The following ASIC2 variants were observed in gnomAD, a reference collection of about 807,000 sequenced individuals.
The protein encoded by ASIC2 is acid sensing ion channel subunit 2, also known as acid-sensing ion channel 2.
In ASIC2, 25 loss-of-function variants were observed where a neutral mutation model predicts 57.3. The observed-to-expected ratio is 0.44, with a 90% confidence interval of 0.32 to 0.61. The LOEUF is 0.61. Among genes scored for constraint, ASIC2 ranks in the 20% least tolerant of loss-of-function variants. The pLI is 0.06. For missense variants in ASIC2, 641 were observed against 738.1 expected (o/e 0.87, Z 1.52); for synonymous variants, 319 against 307.5 (o/e 1.04, Z -0.39).
At chr17:33,545,503 C>G (rs1915550014) in intron 1 of ASIC2, among the ~76,000 whole-genome samples, 1 of 152,076 alleles carries the variant, frequency 6.6e-6, no homozygotes, top group Non-Finnish European at 1.5e-5. Context: ...TTTTCAATAT[C>G]CCCCAAATTC....
chr17:33,525,365 G>A (rs1567639334), intron 1 of ASIC2, among the ~76,000 whole-genome samples: 1 of 152,164 alleles, frequency 6.6e-6, no homozygotes, highest in African/African-American at 2.4e-5. Flanking sequence ...TTTGTGTGAG[G>A]CTACCACTCC....
intron 2 of ASIC2, among the ~76,000 whole-genome samples, chr17:33,101,870 T>C (rs2092213327): frequency 6.6e-6 from 1 of 152,140 alleles, no homozygotes; most frequent in African/African-American, 2.4e-5. Flanking sequence ...TTCCATTTTG[T>C]TTTGTTTTAC....
At chr17:34,149,507 T>C (rs1230539390) in intron 1 of ASIC2, among the ~76,000 whole-genome samples, 1 of 152,178 alleles carries the variant, frequency 6.6e-6, no homozygotes, top group Admixed American at 6.5e-5. Flanking sequence ...ATATATCAAC[T>C]AGACTTACTT....
intron 1 of ASIC2, among the ~76,000 whole-genome samples, chr17:33,696,075 A>T (rs7226110): frequency 0.27 from 40,710 of 152,114 alleles, 5,558 homozygotes; most frequent in African/African-American, 0.3. Context: ...TCTTACAATC[A>T]GTGTGGCAGT....
intron 1 of ASIC2, among the ~76,000 whole-genome samples, chr17:33,628,655 A>G (rs1365073182): frequency 2.6e-5 from 4 of 152,076 alleles, no homozygotes; most frequent in Non-Finnish European, 5.9e-5. Context: ...CCTGGCTGAT[A>G]ATAATAATTT....
intron 1 of ASIC2, among the ~76,000 whole-genome samples, chr17:33,507,883 C>G (rs1024384645): frequency 6.6e-5 from 10 of 152,200 alleles, no homozygotes; most frequent in African/African-American, 2.2e-4. Flanking sequence ...CCAGCCTGGG[C>G]AACAGAGCTA....
intron 1 of ASIC2, among the ~76,000 whole-genome samples, chr17:33,240,475 T>C (rs1391152031): frequency 6.6e-6 from 1 of 152,162 alleles, no homozygotes; most frequent in Non-Finnish European, 1.5e-5. Flanking sequence ...GCCAGAGAGA[T>C]GGGAGATGCT....
chr17:33,446,242 C>T (rs1912013981), intron 1 of ASIC2, among the ~76,000 whole-genome samples: 1 of 152,096 alleles, frequency 6.6e-6, no homozygotes, highest in African/African-American at 2.4e-5. Context: ...AGAAAAGCAT[C>T]ATCTGAATTT....
At chr17:33,546,201 A>G (rs1915573903) in intron 1 of ASIC2, among the ~76,000 whole-genome samples, 1 of 151,164 alleles carries the variant, frequency 6.6e-6, no homozygotes, top group African/African-American at 2.4e-5. Context: ...GTATATGTAT[A>G]TATATGTAGA....
chr17:33,682,169 C>T (rs1908023180), intron 1 of ASIC2, among the ~76,000 whole-genome samples: 3 of 151,522 alleles, frequency 2.0e-5, no homozygotes, highest in Admixed American at 2.0e-4. Flanking sequence ...ACGCCATTCT[C>T]CTGCCTCAGC....
chr17:33,594,120 A>G (rs1429582495), intron 1 of ASIC2, among the ~76,000 whole-genome samples: 3 of 152,092 alleles, frequency 2.0e-5, no homozygotes, highest in East Asian at 1.9e-4. Context: ...CACCATTTGC[A>G]TTGTCTGTTT....
chr17:33,772,335 A>C (rs1313057280), intron 1 of ASIC2, among the ~76,000 whole-genome samples: 1 of 152,198 alleles, frequency 6.6e-6, no homozygotes, highest in African/African-American at 2.4e-5. Context: ...TATTAGCATT[A>C]GATCATACCC....
intron 1 of ASIC2, among the ~76,000 whole-genome samples, chr17:34,044,128 A>G (rs201762338): frequency 3.5e-5 from 4 of 113,212 alleles, no homozygotes; most frequent in African/African-American, 1.4e-4. Context: ...ACACACACGC[A>G]CGCACACACA....
At chr17:33,350,550 T>A (rs932005564) in intron 1 of ASIC2, among the ~76,000 whole-genome samples, 19 of 151,836 alleles carry the variant, frequency 1.3e-4, no homozygotes, top group African/African-American at 4.6e-4. Context: ...CGTCGTGGTG[T>A]GCGCACCTGT....
intron 1 of ASIC2, among the ~76,000 whole-genome samples, chr17:34,117,415 T>C (rs1395123736): frequency 6.6e-6 from 1 of 152,158 alleles, no homozygotes; most frequent in African/African-American, 2.4e-5. Context: ...TTCCCCAATG[T>C]TGAAATGGAA....
At chr17:33,283,229 T>C (rs766897593) in intron 1 of ASIC2, among the ~76,000 whole-genome samples, 2 of 152,214 alleles carry the variant, frequency 1.3e-5, no homozygotes, top group Non-Finnish European at 2.9e-5. Flanking sequence ...TGCACTTTTA[T>C]AGATCCAATG....
At chr17:33,517,414 C>A (rs1048500166) in intron 1 of ASIC2, among the ~76,000 whole-genome samples, 4 of 152,218 alleles carry the variant, frequency 2.6e-5, no homozygotes, top group African/African-American at 9.6e-5. Flanking sequence ...TGGCATCTGG[C>A]CTTTTGCTGC....
chr17:33,215,341 A>G (rs1169374883), intron 1 of ASIC2, among the ~76,000 whole-genome samples: 1 of 152,228 alleles, frequency 6.6e-6, no homozygotes, highest in Non-Finnish European at 1.5e-5. Context: ...TATCCTAAAG[A>G]GTCTTGAAAT....
chr17:33,441,394 A>G (rs998212532), intron 1 of ASIC2, among the ~76,000 whole-genome samples: 4 of 152,238 alleles, frequency 2.6e-5, no homozygotes, highest in African/African-American at 9.6e-5. Flanking sequence ...GCCTAATACA[A>G]TGTCAAAAAG....
Sources: allele counts gnomAD v4.1 joint callset (sites outside exome capture counted in the v4.1 genomes callset), GRCh38; gene constraint gnomAD v4.1.1; transcripts MANE v1.5; gene names NCBI Gene and HGNC (gene_info 2026-07-23, HGNC 2026-07-21).